LGR6: variants seen among roughly 807,000 people sequenced by gnomAD.
The protein encoded by LGR6 is leucine rich repeat containing G protein-coupled receptor 6.
LGR6 carries 45 observed loss-of-function variants against 69.4 expected under a neutral mutation model. That is an observed-to-expected ratio of 0.65 (90% confidence interval 0.51 to 0.83). The LOEUF is 0.83. Ranked by LOEUF, LGR6 falls within the 40% of genes least tolerant of loss-of-function variation. The probability of loss-of-function intolerance (pLI) is 0.00; values close to 1 mark genes in which losing one functional copy is unlikely to be tolerated. For missense variants in LGR6, 1,108 were observed against 1,246.7 expected (o/e 0.89, Z 1.68); for synonymous variants, 538 against 555.0 (o/e 0.97, Z 0.43).
intron 3 of LGR6, among the ~76,000 whole-genome samples, chr1:202,231,557 A>G (rs574632302): frequency 6.3e-4 from 96 of 152,318 alleles, no homozygotes; most frequent in African/African-American, 2.3e-3. Context: ...ACAGATGTTA[A>G]GGAGGATCTC....
At position 202,301,188 on chromosome 1, in the gene LGR6, G is replaced by A; in HGVS notation, c.882G>A (p.Gln294=). 1.2e-6 allele frequency: 2 copies of A among 1,614,204 alleles called. No homozygotes were observed. The highest frequency in any genetic ancestry group is 1.1e-5 in the South Asian group (1 of 91,086). The change falls in exon 9 of 18, where the codon CAG becomes CAA. Residue 294 remains glutamine (Q), a synonymous_variant. Transcript: ENST00000367278. The stretch of plus-strand genomic sequence containing the variant: ...GACACTTTTATGATAACCCAATCCA[G>A]TTTGTGGGAAGATCGGCATTCCAGT... The part of the protein sequence containing the change: ...QTIHFYDNPI[Q]FVGRSAFQYL...
At chr1:202,263,670 C>T (rs1664415287) in intron 4 of LGR6, among the ~76,000 whole-genome samples, 1 of 152,022 alleles carries the variant, frequency 6.6e-6, no homozygotes, top group Non-Finnish European at 1.5e-5. Context: ...GGAACAGCAC[C>T]ATGTGAGGTT....
chr1:202,240,246 T>A (rs1662066716), intron 4 of LGR6, among the ~76,000 whole-genome samples: 1 of 151,354 alleles, frequency 6.6e-6, no homozygotes, highest in Non-Finnish European at 1.5e-5. Flanking sequence ...TGGTGGTGGG[T>A]GCCTGTAATC....
chr1:202,318,883 G>A lies in LGR6; in HGVS notation c.2580G>A (p.Glu860=), dbSNP rs1366501162. The change falls in exon 18 of 18, where the codon GAG becomes GAA. Residue 860 remains glutamate (E), a synonymous_variant. Transcript: ENST00000367278. ...CCTATGCTGCGGCCGGGGAGCTGGA[G>A]AAGAGCTCCTGTGATTCTACCCAGG... The part of the protein sequence containing the change: ...PLAYAAAGEL[E]KSSCDSTQAL... The A allele has an allele frequency of 6.8e-6, 11 of 1,613,934 alleles. No individual in the cohort carries two copies. Among genetic ancestry groups the A allele is most frequent in the Middle Eastern group, 1.6e-4 (1 of 6,082 alleles).
intron 3 of LGR6, among the ~76,000 whole-genome samples, chr1:202,235,684 A>T (rs1253499813): frequency 6.6e-6 from 1 of 151,906 alleles, no homozygotes; most frequent in African/African-American, 2.4e-5. Context: ...CCCTTCTGAG[A>T]TGCTCTCCCT....
At chr1:202,242,821 A>T (rs1016453484) in intron 4 of LGR6, among the ~76,000 whole-genome samples, 8 of 152,184 alleles carry the variant, frequency 5.3e-5, no homozygotes, top group Non-Finnish European at 1.2e-4. Context: ...CATGCCTCTG[A>T]TCGCCCTCCA....
intron 1 of LGR6, among the ~76,000 whole-genome samples, chr1:202,220,380 G>A (rs1271815699): frequency 1.3e-5 from 2 of 151,582 alleles, no homozygotes; most frequent in Admixed American, 6.6e-5. Flanking sequence ...CACCAGGCCC[G>A]GCTAATTTTT....
intron 3 of LGR6, among the ~76,000 whole-genome samples, chr1:202,234,838 T>C (rs1216846567): frequency 6.6e-6 from 1 of 152,112 alleles, no homozygotes; most frequent in African/African-American, 2.4e-5. Flanking sequence ...GGCTTCCCCC[T>C]CTGAAAGATG....
intron 4 of LGR6, among the ~76,000 whole-genome samples, chr1:202,275,757 A>G (rs1246425860): frequency 1.3e-5 from 2 of 152,100 alleles, no homozygotes; most frequent in Admixed American, 6.5e-5. Context: ...GAGGGAGGAC[A>G]TTTCCCTCTG....
intron 1 of LGR6, among the ~76,000 whole-genome samples, chr1:202,217,256 T>C (rs181700438): frequency 2.5e-4 from 38 of 152,330 alleles, no homozygotes; most frequent in African/African-American, 9.1e-4. Context: ...AGTTGGTTCC[T>C]GTGGTGGTGC....
rs772253966 is a variant in LGR6 at position 202,318,053 on chromosome 1, C to G, written c.1750C>G (p.Leu584Val). The change falls in exon 18 of 18, where the codon CTG becomes GTG. Residue 584 changes from leucine to valine, a missense_variant. Transcript: ENST00000367278. ...CGTGCTCTGCAATGGACTGGTGCTG[C>G]TGACCGTGTTCGCTGGCGGGCCTGT... ...LSVLCNGLVL[L>V]TVFAGGPVPL... 1.2e-6 allele frequency: 2 copies of G among 1,614,206 alleles called. No individual in the cohort carries two copies. Among genetic ancestry groups the G allele is most frequent in the Admixed American group, 3.3e-5 (2 of 60,032 alleles).
chr1:202,212,984 C>T (rs1367260637), intron 1 of LGR6, among the ~76,000 whole-genome samples: 1 of 152,148 alleles, frequency 6.6e-6, no homozygotes, highest in Non-Finnish European at 1.5e-5. Context: ...CTTGAGATTC[C>T]TCCAGCACTA....
At chr1:202,225,276 T>C in intron 1 of LGR6, 147 bp from the exon 2 acceptor site, 1 of 708,074 alleles carries the variant, frequency 1.4e-6, no homozygotes, top group Non-Finnish European at 2.6e-6. Flanking sequence ...GCAGCTGCTG[T>C]TGTCAGACTG....
intron 6 of LGR6, among the ~76,000 whole-genome samples, chr1:202,294,164 G>T (rs141533708): frequency 4.9e-4 from 75 of 152,314 alleles, no homozygotes; most frequent in African/African-American, 1.8e-3. Flanking sequence ...TGTCTTCATT[G>T]CTTCATCTAT....
intron 4 of LGR6, among the ~76,000 whole-genome samples, chr1:202,258,896 A>G (rs1664002161): frequency 6.6e-6 from 1 of 152,062 alleles, no homozygotes. Flanking sequence ...GAAGATCTCT[A>G]GTATTTTCTC....
At chr1:202,216,183 AGGAGGAGGTACTTGAACT>A (rs1156288876) in intron 1 of LGR6, among the ~76,000 whole-genome samples, 1 of 152,232 alleles carries the variant, frequency 6.6e-6, no homozygotes, top group African/African-American at 2.4e-5. Flanking sequence ...GGCTTCTTGC[AGGAGGAGGTACTTGAACT>A]GGGCTTCAGT....
chr1:202,205,044 A>G, intron 1 of LGR6, among the ~76,000 whole-genome samples: 1 of 136,490 alleles, frequency 7.3e-6, no homozygotes, highest in Non-Finnish European at 1.6e-5. Context: ...TCAAACACAC[A>G]CACCTCCAAA....
In LGR6 at chr1:202,277,462, TG is replaced by T. The variant is rs369291527; in HGVS notation, c.644+948del. On this transcript the variant is annotated intron_variant, in intron 5 of 17. Coordinates refer to ENST00000367278, the MANE Select transcript of LGR6 (RefSeq NM_001017403.2). ...TTCTTCTGGGAGTCACGGGGCAGGGTGGGGGGGTATTTAGAGAGGGTAAACA... is the reference window on the plus strand; with the variant it reads ...TTCTTCTGGGAGTCACGGGGCAGGGTGGGGGGTATTTAGAGAGGGTAAACA... Among the ~76,000 whole-genome samples the T allele has an allele frequency of 5.3e-3, 689 of 128,934 alleles. 1 individual carries two copies. Among genetic ancestry groups the T allele is most frequent in the Middle Eastern group, 0.04 (11 of 276 alleles). 84.6% of individuals were successfully genotyped at this position (128,934 alleles called of 152,430 possible).
At chr1:202,263,344 G>T (rs550094775) in intron 4 of LGR6, among the ~76,000 whole-genome samples, 4 of 151,968 alleles carry the variant, frequency 2.6e-5, no homozygotes, top group Non-Finnish European at 5.9e-5. Flanking sequence ...GGCTGGTCTC[G>T]AACTCCTGAC....
Sources: gnomAD v4.1 joint callset for allele counts (sites outside exome capture counted in the v4.1 genomes callset) on GRCh38, gnomAD v4.1.1 for gene constraint, MANE v1.5 for transcripts, NCBI Gene and HGNC (gene_info 2026-07-23, HGNC 2026-07-21) for gene names.